The following CEP112 variants were observed in gnomAD, a reference collection of about 807,000 sequenced individuals.
The protein encoded by CEP112 is centrosomal protein 112, also known as centrosomal protein of 112 kDa.
CEP112 carries 127 observed loss-of-function variants against 153.0 expected under a neutral mutation model. That is an observed-to-expected ratio of 0.83 (90% confidence interval 0.72 to 0.96). The LOEUF (loss-of-function observed/expected upper bound fraction) is 0.96. CEP112 is among the 40% of genes least tolerant of loss of function. CEP112 has a pLI of 0.00. For missense variants in CEP112, 1,089 were observed against 1,101.2 expected (o/e 0.99, Z 0.16); for synonymous variants, 358 against 374.4 (o/e 0.96, Z 0.51).
intron 6 of CEP112, among the ~76,000 whole-genome samples, chr17:66,118,100 G>A (rs2069389691): frequency 1.3e-5 from 2 of 152,230 alleles, no homozygotes; most frequent in Admixed American, 1.3e-4. Flanking sequence ...AGAACAGTAT[G>A]GTGGTTTCTT....
In CEP112 at chr17:66,005,765, T is replaced by C. The variant is rs751052855; in HGVS notation, c.1661A>G (p.His554Arg). The C allele has an allele frequency of 1.2e-6, 2 of 1,602,214 alleles. No homozygotes were observed. The highest frequency in any genetic ancestry group is 1.7e-6 in the Non-Finnish European group (2 of 1,176,430). Residue 554 changes from histidine (H) to arginine (R), a missense_variant, in exon 17 of 27, where the codon CAT becomes CGT. Coordinates refer to ENST00000535342, the MANE Select transcript of CEP112 (RefSeq NM_001199165.4). Reference sequence around the variant, plus strand: ...TTTATCAAGTTCACTCTGCAAGTCATGAGCCTGCCATGACAAGAACATGGA... The same window carrying C: ...TTTATCAAGTTCACTCTGCAAGTCACGAGCCTGCCATGACAAGAACATGGA... ...HLKHIYEKKA[H>R]DLQSELDKGK...
At chr17:65,789,758 G>A (rs1598591225) in intron 21 of CEP112, among the ~76,000 whole-genome samples, 1 of 151,672 alleles carries the variant, frequency 6.6e-6, no homozygotes, top group East Asian at 1.9e-4. Context: ...TTTCTCTATC[G>A]GCCTATACAC....
chr17:65,892,652 A>G (rs74422957), intron 20 of CEP112, among the ~76,000 whole-genome samples: 2,531 of 152,180 alleles, frequency 0.017, 81 homozygotes, highest in African/African-American at 0.057. Context: ...CCTGGAACAC[A>G]CTGCAGCTCT....
intron 17 of CEP112, among the ~76,000 whole-genome samples, chr17:65,973,439 G>T (rs2062922633): frequency 6.6e-6 from 1 of 152,146 alleles, no homozygotes; most frequent in African/African-American, 2.4e-5. Flanking sequence ...ATTTAAAAAT[G>T]GACTAAAGAT....
At chr17:65,974,009 C>T (rs2062942402) in intron 17 of CEP112, among the ~76,000 whole-genome samples, 1 of 151,964 alleles carries the variant, frequency 6.6e-6, no homozygotes, top group African/African-American at 2.4e-5. Flanking sequence ...TCTCACCTAC[C>T]AGATTTACAA....
intron 2 of CEP112, among the ~76,000 whole-genome samples, chr17:66,177,674 C>T (rs1222652004): frequency 6.6e-6 from 1 of 152,148 alleles, no homozygotes; most frequent in Non-Finnish European, 1.5e-5. Context: ...AGGTCGCATT[C>T]ACTCTATGTT....
chr17:66,004,583 T>C (rs137996022), intron 17 of CEP112, among the ~76,000 whole-genome samples: 32 of 152,332 alleles, frequency 2.1e-4, no homozygotes, highest in African/African-American at 7.7e-4. Context: ...TTTCATCTAA[T>C]TCATATTGAC....
intron 23 of CEP112, among the ~76,000 whole-genome samples, chr17:65,726,404 G>A (rs898844839): frequency 1.3e-5 from 2 of 152,102 alleles, no homozygotes; most frequent in African/African-American, 4.8e-5. Context: ...CTTGAGGACT[G>A]GGGCAATCAG....
At chr17:65,963,014 C>T (rs2062269689) in intron 17 of CEP112, among the ~76,000 whole-genome samples, 1 of 152,164 alleles carries the variant, frequency 6.6e-6, no homozygotes, top group Non-Finnish European at 1.5e-5. Context: ...TTATTACATC[C>T]TTACTTACAC....
intron 16 of CEP112, among the ~76,000 whole-genome samples, chr17:66,009,453 G>A (rs1477443996): frequency 1.3e-4 from 20 of 152,018 alleles, no homozygotes; most frequent in Admixed American, 1.3e-3. Flanking sequence ...TAGGATATTA[G>A]TCCCTTATCA....
intron 17 of CEP112, among the ~76,000 whole-genome samples, chr17:65,970,813 C>T (rs1334977339): frequency 6.6e-6 from 1 of 152,184 alleles, no homozygotes; most frequent in Non-Finnish European, 1.5e-5. Context: ...GTGTATGGCG[C>T]ATGTATATTG....
chr17:65,753,926 C>T (rs2052050157), intron 21 of CEP112, among the ~76,000 whole-genome samples: 1 of 152,170 alleles, frequency 6.6e-6, no homozygotes, highest in South Asian at 2.1e-4. Flanking sequence ...GCCCCCAAAT[C>T]TCACAAACCC....
intron 21 of CEP112, among the ~76,000 whole-genome samples, chr17:65,784,559 C>T (rs1450998899): frequency 6.6e-6 from 1 of 152,174 alleles, no homozygotes; most frequent in East Asian, 1.9e-4. Flanking sequence ...TGGCTGGCTG[C>T]AACCTCTGCC....
chr17:66,059,393 C>T (rs1365579132), intron 11 of CEP112, among the ~76,000 whole-genome samples: 2 of 152,128 alleles, frequency 1.3e-5, no homozygotes, highest in Non-Finnish European at 2.9e-5. Context: ...TATTTGCAAA[C>T]TATGTATCTG....
chr17:65,654,056 C>CAAAAAAAAAAAAAAAAAAA (rs773433478), intron 24 of CEP112, among the ~76,000 whole-genome samples: 5 of 26,882 alleles, frequency 1.9e-4, no homozygotes, highest in African/African-American at 8.0e-4. Context: ...AAGACTCCAT[C>CAAAAAAAAAAAAAAAAAAA]AAAAAAAAAA....
chr17:65,837,572 G>A (rs11657478), intron 21 of CEP112, among the ~76,000 whole-genome samples: 2,324 of 151,952 alleles, frequency 0.015, 23 homozygotes, highest in Non-Finnish European at 0.021. Context: ...CCCGGCTGCC[G>A]CCCCGTCTGG....
At chr17:66,087,826 C>T (rs1287453511) in intron 8 of CEP112, among the ~76,000 whole-genome samples, 5 of 152,124 alleles carry the variant, frequency 3.3e-5, no homozygotes, top group Non-Finnish European at 5.9e-5. Flanking sequence ...AGACCCTCCA[C>T]TTGGGAGGAG....
intron 23 of CEP112, among the ~76,000 whole-genome samples, chr17:65,720,947 T>C (rs894220681): frequency 6.6e-6 from 1 of 152,082 alleles, no homozygotes; most frequent in African/African-American, 2.4e-5. Flanking sequence ...GGGTCTGGGA[T>C]TTGAACCTAG....
chr17:66,054,905 C>T (rs1025442475), intron 11 of CEP112, among the ~76,000 whole-genome samples: 6 of 151,990 alleles, frequency 3.9e-5, no homozygotes, highest in Non-Finnish European at 7.4e-5. Context: ...CAAAGGCAGC[C>T]GCCAAAACAT....
Sources: allele counts gnomAD v4.1 joint callset (sites outside exome capture counted in the v4.1 genomes callset), GRCh38; gene constraint gnomAD v4.1.1; transcripts MANE v1.5; gene names NCBI Gene and HGNC (gene_info 2026-07-23, HGNC 2026-07-21).